Variants in MEP1B observed in about 807,000 individuals in gnomAD.
MEP1B encodes the protein meprin A subunit beta.
A neutral mutation model predicts 84.6 loss-of-function variants in MEP1B; 80 were observed. The ratio of observed to expected loss-of-function variants is 0.95; its 90% CI spans 0.79 to 1.14. MEP1B has a LOEUF of 1.14. Among genes scored for constraint, MEP1B ranks in the 50% most tolerant of loss-of-function variants. The pLI is 0.00. For missense variants in MEP1B, 766 were observed against 855.1 expected, an observed-to-expected ratio of 0.90 and a Z score of 1.30; for synonymous variants, 273 against 288.1, an observed-to-expected ratio of 0.95 and a Z score of 0.53.
rs58057830 is a variant in MEP1B, at chr18:32,201,299, T to TACACACACAC, written c.251-1569_251-1560dup. Among the ~76,000 whole-genome samples, 709 of 144,316 alleles carry TACACACACAC rather than the reference T, an allele frequency of 4.9e-3. 4 individuals are homozygous for TACACACACAC. Among genetic ancestry groups the TACACACACAC allele is most frequent in the Middle Eastern group, 0.014 (4 of 282 alleles). The allele number at this position is 144,316 out of a possible 152,430, so 94.7% of individuals were successfully genotyped here. On this transcript the variant is annotated intron_variant, in intron 5 of 14. Coordinates refer to ENST00000269202, the MANE Select transcript of MEP1B (RefSeq NM_005925.3). ...TTGAACGTTAACAGCCATATGTAGA[T>TACACACACAC]ACACACACACACACACACACACACA...
Position 32,196,804 on chromosome 18 carries a change from G to T in MEP1B, c.250+1319G>T. ...TTGGGGTGCTCGATGCCCATCACCC[G>T]CACGCTCATCAGCACTGCCTTCTGC... On this transcript the variant is annotated intron_variant, in intron 5 of 14. Transcript: ENST00000269202. The surrounding 1 kb of genome is among the most constrained non-coding windows in gnomAD (Gnocchi z 4.4). 1 of 643,824 alleles carries T rather than the reference G, an allele frequency of 1.6e-6. No individual in the cohort carries two copies. The allele number at this position is 643,824 out of a possible 1,614,324, so 39.9% of individuals were successfully genotyped here.
Position 32,204,234 on chromosome 18 carries a change from G to C in MEP1B, c.421G>C (p.Gly141Arg). The change falls in exon 7 of 15, where the codon GGG (glycine) becomes CGG (arginine). Residue 141 changes from glycine (G) to arginine (R), a missense_variant. By Grantham distance (125) the Gly-to-Arg change is moderately radical (BLOSUM62 -2). Coordinates refer to ENST00000269202, the MANE Select transcript of MEP1B (RefSeq NM_005925.3). ...RRVGKQELSI[G>R]ANCDRIATVQ... is the part of the protein sequence containing the mutation. ...GGTTGGGAAGCAAGAACTTTCCATC[G>C]GGGCAAACTGTGACCGAATAGCAAC... The C allele has an allele frequency of 6.2e-7, 1 of 1,605,800 alleles. No homozygotes were observed. Among genetic ancestry groups the C allele is most frequent in the Non-Finnish European group, 8.5e-7 (1 of 1,176,476 alleles).
chr18:32,200,498 A>G (rs2040901213), intron 5 of MEP1B, among the ~76,000 whole-genome samples: 1 of 152,074 alleles, frequency 6.6e-6, no homozygotes, highest in Admixed American at 6.6e-5. Flanking sequence ...TAAGAAAAGT[A>G]TCCTTACGTT....
intron 9 of MEP1B, among the ~76,000 whole-genome samples, chr18:32,208,638 C>T (rs571603326): frequency 1.5e-4 from 23 of 152,242 alleles, no homozygotes; most frequent in East Asian, 3.9e-4. Flanking sequence ...CACTAGGCTG[C>T]GAATTATTGT....
Position 32,204,250 on chromosome 18 carries a change from GA to G in MEP1B, c.439del (p.Ile147Ter). The G allele has an allele frequency of 6.2e-7, 1 of 1,604,744 alleles. No individual in the cohort carries two copies. ...CTTTCCATCGGGGCAAACTGTGACC[GA>G]ATAGCAACAGTTCAACACGAGTTCC... is the stretch of plus-strand genomic sequence containing the variant. ...QELSIGANCD[R>X]IATVQHEFLH... On this transcript the variant is annotated frameshift_variant, in exon 7 of 15. Transcript: ENST00000269202. LOFTEE classifies it high-confidence loss of function.
At chr18:32,218,194 G>A (rs1475748286) in intron 14 of MEP1B, among the ~76,000 whole-genome samples, 1 of 152,164 alleles carries the variant, frequency 6.6e-6, no homozygotes, top group Non-Finnish European at 1.5e-5. Flanking sequence ...ATACAACATT[G>A]TGTACAGTTG....
At chr18:32,215,449 T>C (rs2041073772) in intron 12 of MEP1B, among the ~76,000 whole-genome samples, 188 bp downstream of exon 12, 1 of 152,098 alleles carries the variant, frequency 6.6e-6, no homozygotes, top group Non-Finnish European at 1.5e-5. Context: ...TTTGAAACAG[T>C]GAGGATTCCA....
At chr18:32,192,192 T>C (rs1309379863) in intron 2 of MEP1B, among the ~76,000 whole-genome samples, 2 of 152,132 alleles carry the variant, frequency 1.3e-5, no homozygotes, top group African/African-American at 2.4e-5. Flanking sequence ...CCATATTATA[T>C]ACACCTTTAC....
intron 1 of MEP1B, 77 bp downstream of exon 1, chr18:32,190,210 T>A: frequency 9.3e-7 from 1 of 1,076,092 alleles, no homozygotes; most frequent in Non-Finnish European, 1.4e-6. Context: ...CAAGTGTTTT[T>A]TTTTTGTTTG....
At chr18:32,197,366 G>T (rs2040865589) in intron 5 of MEP1B, among the ~76,000 whole-genome samples, 1 of 150,960 alleles carries the variant, frequency 6.6e-6, no homozygotes, top group East Asian at 2.0e-4. Flanking sequence ...TAAAAACCCT[G>T]CTATAGTTTT....
At chr18:32,190,906 A>G (rs1038190631) in intron 1 of MEP1B, among the ~76,000 whole-genome samples, 33 of 152,246 alleles carry the variant, frequency 2.2e-4, no homozygotes, top group Admixed American at 1.2e-3. Flanking sequence ...TCATTCCCAC[A>G]TTTTGTTAAA....
intron 6 of MEP1B, among the ~76,000 whole-genome samples, chr18:32,203,440 T>C (rs936698553): frequency 6.6e-6 from 1 of 152,216 alleles, no homozygotes; most frequent in Non-Finnish European, 1.5e-5. Context: ...TTGCTGTCCC[T>C]GTAAAACCCT....
chr18:32,204,414 T>C (rs1047868579), intron 7 of MEP1B, 54 bp downstream of exon 7: 67 of 1,431,028 alleles, frequency 4.7e-5, no homozygotes, highest in Non-Finnish European at 5.9e-5. Context: ...TTTCTAAGCA[T>C]GTGTCCTCTC....
chr18:32,220,113 G>A, intron 14 of MEP1B, 118 bp from the exon 15 acceptor site: 1 of 921,942 alleles, frequency 1.1e-6, no homozygotes, highest in Non-Finnish European at 1.7e-6. Flanking sequence ...CTAGGAGGGA[G>A]GCCAGGAGAC....
chr18:32,197,866 G>T (rs1411091676), intron 5 of MEP1B, among the ~76,000 whole-genome samples: 2 of 152,156 alleles, frequency 1.3e-5, no homozygotes, highest in East Asian at 3.9e-4. Flanking sequence ...CCAATAGGTG[G>T]CTTCTTCAAC....
chr18:32,206,698 G>A (rs1358299303), intron 7 of MEP1B, among the ~76,000 whole-genome samples: 5 of 152,074 alleles, frequency 3.3e-5, no homozygotes, highest in South Asian at 2.1e-4. Context: ...TGCAACCTCC[G>A]CCTCCTGGGT....
intron 12 of MEP1B, among the ~76,000 whole-genome samples, chr18:32,215,752 A>G (rs1272561190): frequency 6.6e-6 from 1 of 152,112 alleles, no homozygotes; most frequent in Non-Finnish European, 1.5e-5. Flanking sequence ...TGAACCCGGG[A>G]GGCGGAGCTT....
intron 10 of MEP1B, 118 bp from the exon 11 acceptor site, chr18:32,212,998 A>G: frequency 1.1e-6 from 1 of 899,266 alleles, no homozygotes; most frequent in Non-Finnish European, 1.7e-6. Context: ...CATACTTCTG[A>G]CCTGTAGAAA....
chr18:32,203,633 T>C (rs954397063), intron 6 of MEP1B, among the ~76,000 whole-genome samples: 1 of 152,220 alleles, frequency 6.6e-6, no homozygotes, highest in African/African-American at 2.4e-5. Context: ...TATTAGGCCA[T>C]TCTTGCATTG....
Sources: allele counts gnomAD v4.1 joint callset (sites outside exome capture counted in the v4.1 genomes callset), GRCh38; gene constraint gnomAD v4.1.1; non-coding constraint Gnocchi (gnomAD v3.1); transcripts MANE v1.5; gene names NCBI Gene and HGNC (gene_info 2026-07-23, HGNC 2026-07-21).